The following ADAMTS16 variants were observed in gnomAD, a reference collection of about 807,000 sequenced individuals.
The protein encoded by ADAMTS16 is ADAM metallopeptidase with thrombospondin type 1 motif 16.
In ADAMTS16, 94 loss-of-function variants were observed where a neutral mutation model predicts 145.8. That is an observed-to-expected ratio of 0.64 (90% CI 0.55 to 0.77). The LOEUF is 0.77. Among genes scored for constraint, ADAMTS16 ranks in the 30% least tolerant of loss-of-function variants. ADAMTS16 has a pLI of 0.00. For missense variants in ADAMTS16, 1,585 were observed against 1,591.5 expected (o/e 1.00, Z 0.07); for synonymous variants, 659 against 604.3 (o/e 1.09, Z -1.33).
chr5:5,240,796 C>A (rs1026564645), intron 16 of ADAMTS16, among the ~76,000 whole-genome samples: 15 of 152,190 alleles, frequency 9.9e-5, no homozygotes, highest in Non-Finnish European at 4.4e-5. Context: ...TGCCCCTGAA[C>A]TCTTTCATCC....
intron 17 of ADAMTS16, among the ~76,000 whole-genome samples, chr5:5,254,085 C>G (rs59753244): frequency 6.6e-6 from 1 of 152,170 alleles, no homozygotes; most frequent in Non-Finnish European, 1.5e-5. Flanking sequence ...TTCACACTGT[C>G]TTGGCAACAG....
Position 5,208,157 on chromosome 5 carries a change from C to CT in ADAMTS16, c.1452-931dup, listed in dbSNP as rs1579311677. ...GAGAACCCATCTGGGCTATATGTTG[C>CT]TTTTTATGCACGGAGTCCTGAGCTC... On this transcript the variant is annotated intron_variant, in intron 9 of 22. Coordinates refer to ENST00000274181, the MANE Select transcript of ADAMTS16 (RefSeq NM_139056.4). 2.0e-5 allele frequency among the ~76,000 whole-genome samples: 3 copies of CT among 152,090 alleles called. No individual in the cohort carries two copies. In the South Asian group the frequency reaches 6.2e-4, roughly 32 times the overall value.
intron 9 of ADAMTS16, among the ~76,000 whole-genome samples, chr5:5,206,787 A>AT (rs1474337431): frequency 6.6e-6 from 1 of 152,030 alleles, no homozygotes; most frequent in Non-Finnish European, 1.5e-5. Context: ...CGGCAGATTA[A>AT]TTTTTTTACG....
chr5:5,167,621 G>A (rs764216678), intron 3 of ADAMTS16, among the ~76,000 whole-genome samples: 2 of 152,290 alleles, frequency 1.3e-5, no homozygotes, highest in South Asian at 4.1e-4. Context: ...TTTCTAAATT[G>A]CCCCTAACTG....
intron 12 of ADAMTS16, among the ~76,000 whole-genome samples, chr5:5,234,739 G>A (rs966511565): frequency 4.0e-5 from 6 of 151,638 alleles, no homozygotes; most frequent in African/African-American, 7.3e-5. Context: ...GTGTGGTGGC[G>A]TGTGCCTATA....
intron 3 of ADAMTS16, among the ~76,000 whole-genome samples, chr5:5,150,880 AC>A (rs1476845863): frequency 6.6e-6 from 1 of 152,064 alleles, no homozygotes; most frequent in Non-Finnish European, 1.5e-5. Context: ...TGTTTATCTC[AC>A]TGTGGTGTAT....
At chr5:5,205,290 G>T (rs1736068083) in intron 9 of ADAMTS16, among the ~76,000 whole-genome samples, 1 of 148,652 alleles carries the variant, frequency 6.7e-6, no homozygotes, top group African/African-American at 2.5e-5. Context: ...TTTAGGGTTG[G>T]TGCTTTTGTA....
intron 2 of ADAMTS16, among the ~76,000 whole-genome samples, chr5:5,143,619 C>T (rs1734221469): frequency 6.6e-6 from 1 of 152,146 alleles, no homozygotes; most frequent in South Asian, 2.1e-4. Flanking sequence ...CCCAGCAATC[C>T]CATTACTGGG....
At chr5:5,254,193 C>T (rs16875157) in intron 17 of ADAMTS16, among the ~76,000 whole-genome samples, 3,957 of 152,128 alleles carry the variant, frequency 0.026, 148 homozygotes, top group African/African-American at 0.089. Context: ...ATTCATCTTG[C>T]TCTCCCTGTT....
Position 5,146,266 on chromosome 5 carries a change from C to T in ADAMTS16, c.312C>T (p.Ser104=). The change falls in exon 3 of 23, where the codon TCC becomes TCT. Residue 104 remains serine (S), a synonymous_variant. Coordinates refer to ENST00000274181, the MANE Select transcript of ADAMTS16 (RefSeq NM_139056.4). ...CTCTTCACCTTCGGCTGAAAGGCTC[C>T]AGGCACGACTTCCACATGGATCTGA... ...VESLHLRLKG[S]RHDFHMDLRT... is the part of the protein sequence containing the mutation. 1 of 1,614,172 alleles carries T rather than the reference C, an allele frequency of 6.2e-7. No homozygotes were observed. The highest frequency in any genetic ancestry group is 8.5e-7 in the Non-Finnish European group (1 of 1,180,028).
chr5:5,162,534 T>C lies in ADAMTS16; in HGVS notation c.501+16079T>C, dbSNP rs187109392. Among the ~76,000 whole-genome samples, 19 of 152,296 alleles carry C rather than the reference T, an allele frequency of 1.2e-4. No individual in the cohort carries two copies. In the East Asian group the frequency reaches 3.5e-3, roughly 28 times the overall value. ...TGGGTATTGGAGGGAAAAGAGGAAC[T>C]TAGATGTACAAAGTCTGTGCTTTTA... is the stretch of plus-strand genomic sequence containing the variant. On this transcript the variant is annotated intron_variant, in intron 3 of 22. Transcript: ENST00000274181.
chr5:5,153,805 A>G (rs927744999), intron 3 of ADAMTS16, among the ~76,000 whole-genome samples: 1 of 152,232 alleles, frequency 6.6e-6, no homozygotes, highest in African/African-American at 2.4e-5. Flanking sequence ...TTCGTCTTGC[A>G]TAAAACATGA....
chr5:5,146,076 ATTC>A, intron 2 of ADAMTS16, 51 bp from the exon 3 acceptor site: 1 of 1,486,100 alleles, frequency 6.7e-7, no homozygotes, highest in Non-Finnish European at 9.3e-7. Context: ...AGACTTCCTG[ATTC>A]TTCTCGGAAT....
chr5:5,301,455 T>G (rs1270998228), intron 18 of ADAMTS16, among the ~76,000 whole-genome samples: 5 of 152,212 alleles, frequency 3.3e-5, no homozygotes, highest in Non-Finnish European at 7.3e-5. Flanking sequence ...TAAAAATATG[T>G]TTACACACAG....
At chr5:5,278,893 G>GA (rs1471521568) in intron 18 of ADAMTS16, among the ~76,000 whole-genome samples, 1 of 151,716 alleles carries the variant, frequency 6.6e-6, no homozygotes, top group Non-Finnish European at 1.5e-5. Flanking sequence ...AAAAAAGGGG[G>GA]AAAAAACCAA....
Position 5,306,659 on chromosome 5 carries a change from C to T in ADAMTS16, c.3342C>T (p.Cys1114=), listed in dbSNP as rs751712769. The change falls in exon 21 of 23, where the codon TGC becomes TGT. Residue 1114 remains cysteine (C), a synonymous_variant. Transcript: ENST00000274181. ...ELERACAPLP[C]PRHPPFAAAG... is the part of the protein sequence containing the mutation. ...AACGTGCCTGCGCCCCGCTTCCATG[C>T]CCCAGGCACCCCCCATTTGCTGCTG... 10 of 1,614,090 alleles carry T rather than the reference C, an allele frequency of 6.2e-6. No individual in the cohort carries two copies. In the Admixed American group the frequency reaches 1.5e-4, roughly 24 times the overall value.
intron 11 of ADAMTS16, among the ~76,000 whole-genome samples, chr5:5,224,130 A>G (rs929269705): frequency 3.3e-5 from 5 of 152,110 alleles, no homozygotes; most frequent in Non-Finnish European, 7.4e-5. Flanking sequence ...GCCCCCAGCC[A>G]CCATTCATTC....
chr5:5,271,399 TCCGCTCCTC>T (rs911945785), intron 18 of ADAMTS16, among the ~76,000 whole-genome samples: 2 of 152,192 alleles, frequency 1.3e-5, no homozygotes, highest in African/African-American at 4.8e-5. Context: ...TCCCGCTCCT[TCCGCTCCTC>T]CCGCTCCTCC....
At chr5:5,282,106 T>G (rs1248184649) in intron 18 of ADAMTS16, among the ~76,000 whole-genome samples, 1 of 108,844 alleles carries the variant, frequency 9.2e-6, no homozygotes, top group Non-Finnish European at 1.9e-5. Context: ...GTTTGGGAGA[T>G]AAACTGTTTG....
Sources: gnomAD v4.1 joint callset for allele counts (sites outside exome capture counted in the v4.1 genomes callset) on GRCh38, gnomAD v4.1.1 for gene constraint, MANE v1.5 for transcripts, NCBI Gene and HGNC (gene_info 2026-07-23, HGNC 2026-07-21) for gene names.